Variants in PTPRD observed in about 807,000 individuals in gnomAD.
The protein encoded by PTPRD is receptor-type tyrosine-protein phosphatase delta.
Under a neutral mutation model 214.5 loss-of-function variants are expected in PTPRD, and 34 were observed. The ratio of observed to expected loss-of-function variants is 0.16; its 90% CI spans 0.12 to 0.21. The LOEUF is 0.21. PTPRD is among the 10% of genes least tolerant of loss of function. The probability of loss-of-function intolerance (pLI) is 1.00; values close to 1 mark genes in which losing one functional copy is unlikely to be tolerated. For missense variants in PTPRD, 2,545 were observed against 2,398.7 expected (o/e 1.06, Z -1.27); for synonymous variants, 1,128 against 845.7 (o/e 1.33, Z -5.79).
At chr9:9,535,903 C>T (rs985051382) in intron 8 of PTPRD, among the ~76,000 whole-genome samples, 2 of 152,036 alleles carry the variant, frequency 1.3e-5, no homozygotes, top group Non-Finnish European at 2.9e-5. Context: ...TCCTCAAAAA[C>T]ATTTTCACTT....
chr9:9,274,093 T>C (rs1244279223), intron 9 of PTPRD, among the ~76,000 whole-genome samples: 1 of 151,164 alleles, frequency 6.6e-6, no homozygotes, highest in Non-Finnish European at 1.5e-5. Flanking sequence ...TTTAAAATTC[T>C]CTCTTTCACT....
At chr9:10,602,431 T>C (rs1202164949) in intron 2 of PTPRD, among the ~76,000 whole-genome samples, 2 of 151,722 alleles carry the variant, frequency 1.3e-5, no homozygotes, top group East Asian at 3.9e-4. Context: ...TTAAAAAAAT[T>C]TGATGAATAT....
chr9:9,657,634 G>T (rs891342563), intron 7 of PTPRD, among the ~76,000 whole-genome samples: 1 of 152,096 alleles, frequency 6.6e-6, no homozygotes, highest in Non-Finnish European at 1.5e-5. Flanking sequence ...AAAAGAAAAA[G>T]AAAATAATCA....
chr9:9,723,259 G>C (rs779309511), intron 7 of PTPRD, among the ~76,000 whole-genome samples: 2 of 151,978 alleles, frequency 1.3e-5, no homozygotes, highest in African/African-American at 2.4e-5. Flanking sequence ...AGCACCATTT[G>C]CTGGGAATAA....
At chr9:9,275,359 T>C (rs1016369286) in intron 9 of PTPRD, among the ~76,000 whole-genome samples, 7 of 148,586 alleles carry the variant, frequency 4.7e-5, no homozygotes, top group African/African-American at 1.5e-4. Context: ...TATTGTAAAA[T>C]GTCCTTTGTG....
At chr9:8,713,385 GC>G in intron 12 of PTPRD, 1 of 1,076,232 alleles carries the variant, frequency 9.3e-7, no homozygotes, top group Non-Finnish European at 1.4e-6. Context: ...GCCACACACC[GC>G]CCCTCTACCG....
intron 5 of PTPRD, among the ~76,000 whole-genome samples, chr9:9,878,156 T>C (rs1279480210): frequency 1.3e-5 from 2 of 152,156 alleles, no homozygotes; most frequent in Non-Finnish European, 2.9e-5. Context: ...ATAGTGGCTT[T>C]AGTATGCTTA....
chr9:9,216,487 C>T (rs4237174), intron 9 of PTPRD, among the ~76,000 whole-genome samples: 112,614 of 152,002 alleles, frequency 0.74, 42,085 homozygotes, highest in Non-Finnish European at 0.79. Flanking sequence ...GCCCTTTCTT[C>T]TTTCTCCTCC....
At chr9:9,952,619 A>G (rs1344537769) in intron 4 of PTPRD, among the ~76,000 whole-genome samples, 45 of 152,282 alleles carry the variant, frequency 3.0e-4, no homozygotes, top group Admixed American at 2.9e-3. Context: ...GACCAGCGCT[A>G]TTAACTATAT....
intron 11 of PTPRD, among the ~76,000 whole-genome samples, chr9:8,934,425 A>G (rs76259685): frequency 0.3 from 18,558 of 61,460 alleles, 3,085 homozygotes; most frequent in Non-Finnish European, 0.36. Context: ...GTGTGTGTAT[A>G]TATATATATA....
intron 3 of PTPRD, among the ~76,000 whole-genome samples, chr9:10,039,842 T>A (rs577019121): frequency 2.1e-4 from 32 of 152,138 alleles, no homozygotes; most frequent in Admixed American, 2.1e-3. Flanking sequence ...ATGAAAACAA[T>A]CAATAAAACA....
intron 3 of PTPRD, among the ~76,000 whole-genome samples, chr9:10,147,812 G>T (rs546623478): frequency 1.3e-5 from 2 of 152,134 alleles, no homozygotes; most frequent in Non-Finnish European, 2.9e-5. Context: ...CCCGGGAGGC[G>T]GAGGTTGCAG....
At chr9:9,113,701 G>C (rs998048177) in intron 10 of PTPRD, among the ~76,000 whole-genome samples, 11 of 152,104 alleles carry the variant, frequency 7.2e-5, no homozygotes, top group Non-Finnish European at 2.9e-5. Context: ...TAACATGTAG[G>C]ATGATGCTAC....
chr9:10,590,388 T>A, intron 2 of PTPRD, among the ~76,000 whole-genome samples: 1 of 152,008 alleles, frequency 6.6e-6, no homozygotes, highest in Non-Finnish European at 1.5e-5. Context: ...TTCAAACACA[T>A]ATACCCAGGT....
chr9:10,415,843 T>C (rs2098482021), intron 2 of PTPRD, among the ~76,000 whole-genome samples: 1 of 151,706 alleles, frequency 6.6e-6, no homozygotes, highest in Non-Finnish European at 1.5e-5. Context: ...AGGACATTTT[T>C]AAAACTAAAG....
intron 8 of PTPRD, among the ~76,000 whole-genome samples, chr9:9,407,993 G>A (rs780817118): frequency 6.6e-6 from 1 of 151,762 alleles, no homozygotes; most frequent in Non-Finnish European, 1.5e-5. Context: ...TAAGAACAGG[G>A]AGGCAATCTG....
At chr9:10,602,211 T>G (rs1038366259) in intron 2 of PTPRD, among the ~76,000 whole-genome samples, 1 of 151,828 alleles carries the variant, frequency 6.6e-6, no homozygotes, top group African/African-American at 2.4e-5. Context: ...ACATAAGAAG[T>G]GTCGATCCAA....
chr9:9,277,328 T>C (rs117602001), intron 9 of PTPRD, among the ~76,000 whole-genome samples: 1 of 151,512 alleles, frequency 6.6e-6, no homozygotes, highest in East Asian at 2.0e-4. Flanking sequence ...GGAAGCTTCA[T>C]ATATTCAGGA....
chr9:9,188,996 G>C (rs2099933435), intron 9 of PTPRD, among the ~76,000 whole-genome samples: 1 of 152,024 alleles, frequency 6.6e-6, no homozygotes, highest in South Asian at 2.1e-4. Context: ...AGCTAGCCAT[G>C]AAGAACTACT....
Sources: allele counts gnomAD v4.1 joint callset (sites outside exome capture counted in the v4.1 genomes callset), GRCh38; gene constraint gnomAD v4.1.1; transcripts MANE v1.5; gene names NCBI Gene and HGNC (gene_info 2026-07-23, HGNC 2026-07-21).